The following CACNA2D3 variants were observed in gnomAD, a reference collection of about 807,000 sequenced individuals.
CACNA2D3 encodes the protein voltage-dependent calcium channel subunit alpha-2/delta-3.
A neutral mutation model predicts 160.6 loss-of-function variants in CACNA2D3; 60 were observed. The observed-to-expected ratio is 0.37, with a 90% CI of 0.30 to 0.46. The LOEUF (loss-of-function observed/expected upper bound fraction) is 0.46, where lower values mean the gene tolerates loss of function less well. Among genes scored for constraint, CACNA2D3 ranks in the 20% least tolerant of loss-of-function variants. CACNA2D3 has a pLI of 1.00. For synonymous variants in CACNA2D3, 558 were observed against 492.9 expected (o/e 1.13, Z -1.75); for missense variants, 1,205 against 1,365.0 (o/e 0.88, Z 1.85).
chr3:54,377,739 C>G (rs1699034817), intron 3 of CACNA2D3, among the ~76,000 whole-genome samples: 1 of 152,212 alleles, frequency 6.6e-6, no homozygotes, highest in African/African-American at 2.4e-5. Flanking sequence ...TCTACTGTAA[C>G]AAAATGTACC....
intron 27 of CACNA2D3, among the ~76,000 whole-genome samples, chr3:54,944,438 T>A (rs1318403955): frequency 3.5e-5 from 5 of 141,030 alleles, no homozygotes; most frequent in Admixed American, 1.4e-4. Context: ...TTATTTATTT[T>A]GAGACGGAAT....
At chr3:55,000,441 T>G (rs1252257547) in intron 31 of CACNA2D3, among the ~76,000 whole-genome samples, 2 of 152,094 alleles carry the variant, frequency 1.3e-5, no homozygotes, top group Non-Finnish European at 2.9e-5. Flanking sequence ...TTAGGACAAA[T>G]ATCTAATTCA....
At chr3:54,960,663 C>T (rs1288719061) in intron 27 of CACNA2D3, among the ~76,000 whole-genome samples, 1 of 152,194 alleles carries the variant, frequency 6.6e-6, no homozygotes, top group Non-Finnish European at 1.5e-5. Flanking sequence ...GCCTGATACC[C>T]AGGGGGACAA....
chr3:54,572,343 G>C (rs1025490949), intron 8 of CACNA2D3, among the ~76,000 whole-genome samples: 1 of 152,212 alleles, frequency 6.6e-6, no homozygotes, highest in African/African-American at 2.4e-5. Flanking sequence ...CAAATAGCAG[G>C]AGTTTAAATA....
At chr3:54,385,039 C>A (rs1215319670) in intron 3 of CACNA2D3, among the ~76,000 whole-genome samples, 1 of 152,078 alleles carries the variant, frequency 6.6e-6, no homozygotes, top group Non-Finnish European at 1.5e-5. Flanking sequence ...ATGGATTTTA[C>A]AAAGTTAAAT....
At chr3:54,929,058 A>G (rs1221736941) in intron 27 of CACNA2D3, among the ~76,000 whole-genome samples, 1 of 152,172 alleles carries the variant, frequency 6.6e-6, no homozygotes, top group East Asian at 1.9e-4. Context: ...AGCAGCATGA[A>G]GTGCAATCCT....
At chr3:54,802,647 G>A (rs979015428) in intron 13 of CACNA2D3, among the ~76,000 whole-genome samples, 2 of 152,166 alleles carry the variant, frequency 1.3e-5, no homozygotes, top group African/African-American at 2.4e-5. Context: ...CAAACAAAAA[G>A]ACAGCAGTAA....
chr3:54,288,756 G>A (rs2107473447), intron 2 of CACNA2D3, among the ~76,000 whole-genome samples: 1 of 152,246 alleles, frequency 6.6e-6, no homozygotes, highest in East Asian at 1.9e-4. Context: ...TGGGATGCAA[G>A]GCTGGTTCAA....
chr3:54,806,403 C>G (rs562397999), intron 13 of CACNA2D3, among the ~76,000 whole-genome samples: 1 of 152,264 alleles, frequency 6.6e-6, no homozygotes, highest in East Asian at 1.9e-4. Context: ...TTCTTATACA[C>G]CAATAGCGGA....
intron 14 of CACNA2D3, among the ~76,000 whole-genome samples, chr3:54,832,187 C>T (rs1442608620): frequency 3.3e-5 from 5 of 152,138 alleles, no homozygotes; most frequent in Non-Finnish European, 7.4e-5. Context: ...CCCATTTGCT[C>T]CTGGTTAGAA....
intron 30 of CACNA2D3, among the ~76,000 whole-genome samples, chr3:54,985,859 G>A (rs775120332): frequency 8.5e-5 from 13 of 152,246 alleles, no homozygotes; most frequent in Non-Finnish European, 1.3e-4. Flanking sequence ...GATTTTCAGT[G>A]CCCCTTGGTT....
rs533697471 is a variant in CACNA2D3, at chr3:54,585,092, A to G, written c.963+3215A>G. 4.6e-4 allele frequency among the ~76,000 whole-genome samples: 70 copies of G among 152,364 alleles called. No homozygotes were observed. The South Asian group carries it at 0.014, about 32-fold the overall frequency. The stretch of plus-strand genomic sequence containing the variant: ...TCAGAAAGGAGAGAAGAACATTGGA[A>G]TGAGTAAGAAGATTACAATTAGAGT... On this transcript the variant is annotated intron_variant, in intron 9 of 37. Transcript: ENST00000474759.
At chr3:54,256,351 A>G (rs1371556626) in intron 2 of CACNA2D3, among the ~76,000 whole-genome samples, 4 of 152,184 alleles carry the variant, frequency 2.6e-5, no homozygotes, top group African/African-American at 4.8e-5. Flanking sequence ...CTACTGCTCA[A>G]GGTCATCGCC....
chr3:54,392,357 C>T (rs1241217409), intron 4 of CACNA2D3, among the ~76,000 whole-genome samples: 1 of 152,126 alleles, frequency 6.6e-6, no homozygotes, highest in Non-Finnish European at 1.5e-5. Flanking sequence ...TATCTTTGAA[C>T]CACAAACATA....
chr3:54,439,510 C>G (rs1700110855), intron 4 of CACNA2D3, among the ~76,000 whole-genome samples: 3 of 152,142 alleles, frequency 2.0e-5, no homozygotes, highest in Admixed American at 2.0e-4. Context: ...CTCTGCTGTG[C>G]CAGAAAGTGA....
intron 34 of CACNA2D3, among the ~76,000 whole-genome samples, chr3:55,010,563 C>G (rs1403683165): frequency 5.3e-5 from 8 of 152,324 alleles, no homozygotes; most frequent in Admixed American, 2.6e-4. Context: ...CAGATACACT[C>G]TGTTCTTTCT....
At chr3:55,049,133 C>G (rs558683610) in intron 35 of CACNA2D3, among the ~76,000 whole-genome samples, 112 of 151,752 alleles carry the variant, frequency 7.4e-4, no homozygotes, top group African/African-American at 2.3e-3. Context: ...GTTATTTCTT[C>G]CCTTCTGCTA....
chr3:54,951,322 A>G (rs1435787742), intron 27 of CACNA2D3, among the ~76,000 whole-genome samples: 1 of 152,192 alleles, frequency 6.6e-6, no homozygotes, highest in Non-Finnish European at 1.5e-5. Context: ...GATAAAGAAG[A>G]CCCATCTCTC....
At position 54,942,050 on chromosome 3, in the gene CACNA2D3, C is replaced by T. The variant is rs1309896605; in HGVS notation, c.2450-26400C>T. Reference sequence around the variant, plus strand: ...GATCAGTTTCTTTCTTGTAAAAATGCGTCCTCAGTCACATAGGAACTTCAA... The same window carrying T: ...GATCAGTTTCTTTCTTGTAAAAATGTGTCCTCAGTCACATAGGAACTTCAA... On this transcript the variant is annotated intron_variant, in intron 27 of 37. Coordinates refer to ENST00000474759, the MANE Select transcript of CACNA2D3 (RefSeq NM_018398.3). Among the ~76,000 whole-genome samples, 5 of 152,192 alleles carry T rather than the reference C, an allele frequency of 3.3e-5. No individual in the cohort carries two copies. In the East Asian group the frequency reaches 7.7e-4, roughly 23 times the overall value.
Sources: allele counts gnomAD v4.1 joint callset (sites outside exome capture counted in the v4.1 genomes callset), GRCh38; gene constraint gnomAD v4.1.1; transcripts MANE v1.5; gene names NCBI Gene and HGNC (gene_info 2026-07-23, HGNC 2026-07-21).